Variants in NCALD observed in about 807,000 individuals in gnomAD.
The protein encoded by NCALD is neurocalcin-delta.
In NCALD, 10 loss-of-function variants were observed where a neutral mutation model predicts 18.6. The ratio of observed to expected loss-of-function variants is 0.54; its 90% CI spans 0.33 to 0.91. The LOEUF (loss-of-function observed/expected upper bound fraction) is 0.91. NCALD is among the 40% of genes least tolerant of loss of function. The pLI, the probability that NCALD is intolerant of heterozygous loss-of-function variation, is 0.03. For synonymous variants in NCALD, 88 were observed against 87.4 expected (o/e 1.01, Z -0.04); for missense variants, 184 against 247.6 (o/e 0.74, Z 1.72).
chr8:102,001,588 G>A (rs1277856795), intron 2 of NCALD, among the ~76,000 whole-genome samples: 1 of 152,188 alleles, frequency 6.6e-6, no homozygotes, highest in East Asian at 1.9e-4. Context: ...ATTCACCAAA[G>A]TTGAAATGAT....
intron 1 of NCALD, among the ~76,000 whole-genome samples, chr8:102,071,542 A>T (rs531215718): frequency 3.7e-4 from 56 of 152,378 alleles, no homozygotes; most frequent in African/African-American, 1.1e-3. Context: ...AGGCATACAT[A>T]TTAGAAAGGA....
intron 1 of NCALD, among the ~76,000 whole-genome samples, chr8:102,057,719 T>G (rs919749304): frequency 6.6e-6 from 1 of 152,244 alleles, no homozygotes; most frequent in Non-Finnish European, 1.5e-5. Context: ...CTCTCCACAT[T>G]TATCTCTCAG....
chr8:101,830,298 T>C (rs1009379834), intron 4 of NCALD, among the ~76,000 whole-genome samples: 2 of 152,192 alleles, frequency 1.3e-5, no homozygotes, highest in African/African-American at 4.8e-5. Context: ...TGGTGGCTCA[T>C]GCCTGTAATC....
intron 2 of NCALD, among the ~76,000 whole-genome samples, chr8:101,966,010 G>A (rs1820011668): frequency 6.6e-6 from 1 of 151,876 alleles, no homozygotes; most frequent in East Asian, 1.9e-4. Context: ...AAATGTTTTA[G>A]GAACATTCTT....
At chr8:101,900,497 T>C (rs1487507918) in intron 3 of NCALD, among the ~76,000 whole-genome samples, 1 of 152,010 alleles carries the variant, frequency 6.6e-6, no homozygotes. Context: ...ATTAGTGCTA[T>C]AAATTTTCCT....
At chr8:101,828,591 A>G (rs1054511818) in intron 4 of NCALD, among the ~76,000 whole-genome samples, 1 of 146,858 alleles carries the variant, frequency 6.8e-6, no homozygotes, top group Non-Finnish European at 1.5e-5. Flanking sequence ...ATTTATCACC[A>G]CAAACTTATA....
chr8:102,115,673 C>T (rs1825761537), intron 1 of NCALD, among the ~76,000 whole-genome samples: 1 of 152,214 alleles, frequency 6.6e-6, no homozygotes, highest in Non-Finnish European at 1.5e-5. Flanking sequence ...CAATGGCATT[C>T]ACAAACAATA....
chr8:101,936,072 C>A (rs1818752548), intron 2 of NCALD, among the ~76,000 whole-genome samples: 1 of 151,996 alleles, frequency 6.6e-6, no homozygotes, highest in Admixed American at 6.6e-5. Context: ...TCTTTGATTG[C>A]CTCATCTCCA....
intron 4 of NCALD, among the ~76,000 whole-genome samples, chr8:101,883,256 C>T (rs1174790915): frequency 6.6e-6 from 1 of 152,186 alleles, no homozygotes; most frequent in Non-Finnish European, 1.5e-5. Context: ...CACTTGTAGT[C>T]CCTGCTACTC....
At chr8:101,804,337 A>ATCT (rs1563785754) in intron 4 of NCALD, among the ~76,000 whole-genome samples, 4 of 35,342 alleles carry the variant, frequency 1.1e-4, no homozygotes, top group Non-Finnish European at 6.9e-4. Context: ...TAATTATATC[A>ATCT]ATTATATATT....
chr8:102,099,349 G>T (rs1825201698), intron 1 of NCALD, among the ~76,000 whole-genome samples: 1 of 152,184 alleles, frequency 6.6e-6, no homozygotes, highest in African/African-American at 2.4e-5. Context: ...TGGGGAGCAG[G>T]TGGAAAAGAA....
At chr8:101,690,410 T>C (rs191625957) in intron 3 of NCALD, 2 of 985,396 alleles carry the variant, frequency 2.0e-6, no homozygotes, top group African/African-American at 1.7e-5. Context: ...TTTATTTCCA[T>C]CTGCTCCTCC....
chr8:102,050,749 TTATA>T (rs1823415158), intron 1 of NCALD, among the ~76,000 whole-genome samples: 1 of 146,914 alleles, frequency 6.8e-6, no homozygotes, highest in African/African-American at 2.5e-5. Flanking sequence ...TTTATATAAT[TTATA>T]TATAAATATA....
chr8:101,691,537 C>G lies in NCALD; in HGVS notation c.484+1254G>C, dbSNP rs1814728528. On this transcript the variant is annotated intron_variant, in intron 3 of 3. Coordinates refer to ENST00000220931, the MANE Select transcript of NCALD (RefSeq NM_032041.3). ...CTGGACCTAGAGCACAGCACAAACCCATTGTGCTCCCTTGAGTACCAGTAA... is the reference window on the plus strand; with the variant it reads ...CTGGACCTAGAGCACAGCACAAACCGATTGTGCTCCCTTGAGTACCAGTAA... 6 of 985,368 alleles carry G rather than the reference C, an allele frequency of 6.1e-6. No individual in the cohort carries two copies. The South Asian group carries it at 1.9e-4, about 31-fold the overall frequency. The allele number at this position is 985,368 out of a possible 1,614,324, so 61.0% of individuals were successfully genotyped here.
chr8:101,931,434 G>A (rs1291540799), intron 2 of NCALD, among the ~76,000 whole-genome samples: 1 of 152,084 alleles, frequency 6.6e-6, no homozygotes, highest in Non-Finnish European at 1.5e-5. Flanking sequence ...ATTCTACCAA[G>A]GCAATACCAA....
chr8:101,898,331 A>G (rs561852644), intron 3 of NCALD, among the ~76,000 whole-genome samples: 2 of 152,292 alleles, frequency 1.3e-5, no homozygotes, highest in South Asian at 2.1e-4. Flanking sequence ...TGCCATCCAA[A>G]TATCATTTAC....
intron 1 of NCALD, among the ~76,000 whole-genome samples, chr8:102,085,498 T>C (rs1824707755): frequency 6.6e-6 from 1 of 152,208 alleles, no homozygotes; most frequent in Admixed American, 6.5e-5. Flanking sequence ...CTCATGCCTG[T>C]AATCCCAGCA....
chr8:101,808,986 A>G (rs552769966), intron 4 of NCALD, among the ~76,000 whole-genome samples: 20 of 152,256 alleles, frequency 1.3e-4, no homozygotes, highest in African/African-American at 4.6e-4. Flanking sequence ...ACCTATTCCC[A>G]ACTGTTAGCA....
chr8:101,699,009 T>G (rs1481290143), intron 2 of NCALD, among the ~76,000 whole-genome samples: 1 of 151,724 alleles, frequency 6.6e-6, no homozygotes, highest in African/African-American at 2.4e-5. Context: ...GGGAGAAAAT[T>G]TTTTTCAATC....
Sources: gnomAD v4.1 joint callset for allele counts (sites outside exome capture counted in the v4.1 genomes callset) on GRCh38, gnomAD v4.1.1 for gene constraint, MANE v1.5 for transcripts, NCBI Gene and HGNC (gene_info 2026-07-23, HGNC 2026-07-21) for gene names.